The following KCND2 variants were observed in gnomAD, a reference collection of about 807,000 sequenced individuals.
KCND2 encodes the protein potassium voltage-gated channel subfamily D member 2.
Under a neutral mutation model 54.4 loss-of-function variants are expected in KCND2, and 16 were observed. That is an observed-to-expected ratio of 0.29 (90% CI 0.20 to 0.45). The LOEUF (loss-of-function observed/expected upper bound fraction) is 0.45. Ranked by LOEUF, KCND2 falls within the 20% of genes least tolerant of loss-of-function variation. KCND2 has a pLI of 1.00. For missense variants in KCND2, 486 were observed against 824.2 expected (o/e 0.59, Z 5.02); for synonymous variants, 317 against 310.7 (o/e 1.02, Z -0.21).
At chr7:120,341,695 G>A (rs188137550) in intron 1 of KCND2, among the ~76,000 whole-genome samples, 1 of 152,240 alleles carries the variant, frequency 6.6e-6, no homozygotes, top group East Asian at 1.9e-4. Flanking sequence ...GAGGAAAGAA[G>A]ATTAAGGAAT....
chr7:120,633,297 C>T (rs1328528593), intron 1 of KCND2, among the ~76,000 whole-genome samples: 2 of 152,042 alleles, frequency 1.3e-5, no homozygotes, highest in Non-Finnish European at 2.9e-5. Context: ...GGCAGGTAGG[C>T]CCAAAGAGAT....
chr7:120,725,352 C>G (rs1404161215), intron 1 of KCND2, among the ~76,000 whole-genome samples: 1 of 152,102 alleles, frequency 6.6e-6, no homozygotes, highest in Non-Finnish European at 1.5e-5. Context: ...GAGAAAATTA[C>G]TTATCTTTGT....
chr7:120,507,106 G>C lies in KCND2; in HGVS notation c.1116-225797G>C, dbSNP rs529480843. Among the ~76,000 whole-genome samples, 4 of 151,830 alleles carry C rather than the reference G, an allele frequency of 2.6e-5. No homozygotes were observed. In the South Asian group the frequency reaches 6.2e-4, roughly 24 times the overall value. On this transcript the variant is annotated intron_variant, in intron 1 of 5. Coordinates refer to ENST00000331113, the MANE Select transcript of KCND2 (RefSeq NM_012281.3). ...CAAAATGGTTATTCAGTCTTAAGTA[G>C]AACACAAATGATCATAGACCACATT...
chr7:120,485,641 T>C (rs1335298320), intron 1 of KCND2, among the ~76,000 whole-genome samples: 1 of 152,198 alleles, frequency 6.6e-6, no homozygotes, highest in East Asian at 1.9e-4. Flanking sequence ...TTTTAAGTCA[T>C]ACTGGCTAAA....
chr7:120,709,857 G>C (rs1449372447), intron 1 of KCND2, among the ~76,000 whole-genome samples: 2 of 152,114 alleles, frequency 1.3e-5, no homozygotes, highest in African/African-American at 2.4e-5. Context: ...ATTTGACATT[G>C]TAATTGCAAA....
At chr7:120,585,509 G>A (rs1792585846) in intron 1 of KCND2, among the ~76,000 whole-genome samples, 1 of 152,114 alleles carries the variant, frequency 6.6e-6, no homozygotes, top group Non-Finnish European at 1.5e-5. Context: ...TATGGTGCTT[G>A]GACATAGTAG....
intron 1 of KCND2, among the ~76,000 whole-genome samples, chr7:120,579,047 T>C (rs1273340883): frequency 1.3e-5 from 2 of 152,136 alleles, no homozygotes; most frequent in East Asian, 1.9e-4. Context: ...TCAAACACTT[T>C]AATAAGGAAG....
intron 1 of KCND2, among the ~76,000 whole-genome samples, chr7:120,436,663 C>T (rs994255945): frequency 6.6e-6 from 1 of 152,180 alleles, no homozygotes; most frequent in African/African-American, 2.4e-5. Flanking sequence ...CCCTCAGTGT[C>T]ATCAGCCACC....
intron 1 of KCND2, among the ~76,000 whole-genome samples, chr7:120,549,170 T>C (rs143884800): frequency 6.6e-6 from 1 of 152,236 alleles, no homozygotes; most frequent in East Asian, 1.9e-4. Flanking sequence ...ACATCGGATT[T>C]AGATGTGGAA....
intron 1 of KCND2, among the ~76,000 whole-genome samples, chr7:120,462,756 AGTCTGTAACTACT>A (rs1267184968): frequency 2.0e-5 from 3 of 151,934 alleles, no homozygotes; most frequent in Non-Finnish European, 4.4e-5. Context: ...AAATAAAACA[AGTCTGTAACTACT>A]ATAAAGGCAT....
intron 1 of KCND2, among the ~76,000 whole-genome samples, chr7:120,714,635 G>A (rs542459165): frequency 6.6e-6 from 1 of 152,088 alleles, no homozygotes; most frequent in African/African-American, 2.4e-5. Context: ...GGGTGACAAT[G>A]GCATAATGAA....
At chr7:120,652,287 G>A (rs926733368) in intron 1 of KCND2, among the ~76,000 whole-genome samples, 1 of 152,122 alleles carries the variant, frequency 6.6e-6, no homozygotes, top group African/African-American at 2.4e-5. Context: ...TGTTGGCCAG[G>A]ATGGTCTTGA....
At chr7:120,434,064 A>G (rs1422980674) in intron 1 of KCND2, among the ~76,000 whole-genome samples, 7 of 152,172 alleles carry the variant, frequency 4.6e-5, no homozygotes, top group Non-Finnish European at 7.3e-5. Flanking sequence ...TGTAAGGGAA[A>G]TCATAGTCAG....
chr7:120,534,155 TTGG>T (rs1791875026), intron 1 of KCND2, among the ~76,000 whole-genome samples: 1 of 152,162 alleles, frequency 6.6e-6, no homozygotes, highest in Admixed American at 6.6e-5. Flanking sequence ...TAGGCTGTGC[TTGG>T]TGAATCCCAA....
intron 1 of KCND2, among the ~76,000 whole-genome samples, chr7:120,437,593 A>G (rs192312707): frequency 3.3e-5 from 5 of 152,324 alleles, no homozygotes; most frequent in Admixed American, 3.3e-4. Flanking sequence ...CATTGATAAT[A>G]TAATGATAAA....
chr7:120,415,897 G>GCATC lies in KCND2; in HGVS notation c.1115+140156_1115+140159dup, dbSNP rs201872339. On this transcript the variant is annotated intron_variant, in intron 1 of 5. Transcript: ENST00000331113. Reference sequence around the variant, plus strand: ...GTTCCATTCTTAAAGAAAGGGACAGGCATCCATCCGTTTACAAAATCAGAA... The same window carrying GCATC: ...GTTCCATTCTTAAAGAAAGGGACAGGCATCCATCCATCCGTTTACAAAATCAGAA... 3.0e-4 allele frequency among the ~76,000 whole-genome samples: 46 copies of GCATC among 152,058 alleles called. No homozygotes were observed. In the East Asian group the frequency reaches 5.8e-3, roughly 19 times the overall value.
chr7:120,741,096 A>T (rs1792935919), intron 2 of KCND2, among the ~76,000 whole-genome samples: 1 of 151,836 alleles, frequency 6.6e-6, no homozygotes, highest in African/African-American at 2.4e-5. Flanking sequence ...AGTTCTTGGT[A>T]CTTAGTTACT....
chr7:120,383,650 T>C (rs1800943635), intron 1 of KCND2, among the ~76,000 whole-genome samples: 1 of 152,112 alleles, frequency 6.6e-6, no homozygotes. Flanking sequence ...CCACGTTCAA[T>C]GTGTACATAC....
At chr7:120,284,824 C>A (rs1487248813) in intron 1 of KCND2, among the ~76,000 whole-genome samples, 1 of 152,106 alleles carries the variant, frequency 6.6e-6, no homozygotes, top group Non-Finnish European at 1.5e-5. Context: ...CATTATATTT[C>A]TTTCTCTACT....
Sources: gnomAD v4.1 joint callset for allele counts (sites outside exome capture counted in the v4.1 genomes callset) on GRCh38, gnomAD v4.1.1 for gene constraint, MANE v1.5 for transcripts, NCBI Gene and HGNC (gene_info 2026-07-23, HGNC 2026-07-21) for gene names.